INPP4B: variants seen among roughly 807,000 people sequenced by gnomAD.
INPP4B encodes the protein inositol polyphosphate-4-phosphatase type II B.
Under a neutral mutation model 122.5 loss-of-function variants are expected in INPP4B, and 55 were observed. The observed-to-expected ratio is 0.45, with a 90% CI of 0.36 to 0.56. The LOEUF (loss-of-function observed/expected upper bound fraction) is 0.56. INPP4B is among the 20% of genes least tolerant of loss of function. The pLI, the probability that INPP4B is intolerant of heterozygous loss-of-function variation, is 0.00. For synonymous variants in INPP4B, 403 were observed against 388.7 expected (o/e 1.04, Z -0.43); for missense variants, 1,000 against 1,097.7 (o/e 0.91, Z 1.26).
At position 142,527,209 on chromosome 4, in the gene INPP4B, C is replaced by T. The variant is rs185506995; in HGVS notation, c.-190-64483G>A. On this transcript the variant is annotated intron_variant, in intron 2 of 25. Transcript: ENST00000262992. ...CATAGTTATTTTCTAAATTCCCCAT[C>T]ATAAGTAATATTATTAATTATGCCA... Among the ~76,000 whole-genome samples, 4 of 150,970 alleles carry T rather than the reference C, an allele frequency of 2.6e-5. No homozygotes were observed. In the Admixed American group the frequency reaches 2.7e-4, roughly 10 times the overall value.
In INPP4B at chr4:142,493,835, T is replaced by C. The variant is rs1433929724; in HGVS notation, c.-190-31109A>G. Among the ~76,000 whole-genome samples, 8 of 152,090 alleles carry C rather than the reference T, an allele frequency of 5.3e-5. 1 individual carries two copies. The highest frequency in any genetic ancestry group is 5.2e-4 in the Admixed American group (8 of 15,274). ...TAAGTCATGATTGTGTTTTGAAATG[T>C]AAGGAAATGAGAACTGGGAGGGACC... On this transcript the variant is annotated intron_variant, in intron 2 of 25. Transcript: ENST00000262992.
intron 23 of INPP4B, among the ~76,000 whole-genome samples, chr4:142,089,278 T>G (rs1778291148): frequency 6.6e-6 from 1 of 152,130 alleles, no homozygotes; most frequent in Non-Finnish European, 1.5e-5. Flanking sequence ...ACAAATGGCT[T>G]TCAAACAGTT....
chr4:142,347,184 AT>A (rs1174188155), intron 7 of INPP4B, among the ~76,000 whole-genome samples: 1 of 151,952 alleles, frequency 6.6e-6, no homozygotes, highest in Non-Finnish European at 1.5e-5. Context: ...TCATATAGTA[AT>A]TTTTTTCAAG....
At position 142,268,341 on chromosome 4, in the gene INPP4B, A is replaced by AAT. The variant is rs1420200830; in HGVS notation, c.615+2321_615+2322insAT. ...CCGTCTCAAAAAAAAAAAAAAAAAAAAAAAATGAGGGGTAAGTACTGGTGA... is the reference window on the plus strand; with the variant it reads ...CCGTCTCAAAAAAAAAAAAAAAAAAAATAAAAATGAGGGGTAAGTACTGGTGA... On this transcript the variant is annotated intron_variant, in intron 10 of 25. Coordinates refer to ENST00000262992, the MANE Select transcript of INPP4B (RefSeq NM_001101669.3). Among the ~76,000 whole-genome samples, 2 of 143,774 alleles carry AAT rather than the reference A, an allele frequency of 1.4e-5. 1 individual carries two copies. The highest frequency in any genetic ancestry group is 4.0e-4 in the East Asian group (2 of 4,996). 94.3% of individuals were successfully genotyped at this position (143,774 alleles called of 152,430 possible).
intron 12 of INPP4B, among the ~76,000 whole-genome samples, chr4:142,228,681 A>G (rs1405442376): frequency 2.0e-5 from 3 of 151,958 alleles, no homozygotes. Context: ...TTCTAAGTAC[A>G]ATAGAAAAAA....
intron 2 of INPP4B, among the ~76,000 whole-genome samples, chr4:142,578,895 C>T (rs1734417473): frequency 6.6e-6 from 1 of 151,926 alleles, no homozygotes; most frequent in Non-Finnish European, 1.5e-5. Context: ...ATTTTAGTCT[C>T]AGAGAGAAAT....
At chr4:142,583,482 G>A (rs1365655628) in intron 2 of INPP4B, 1 of 152,128 alleles carries the variant, frequency 6.6e-6, no homozygotes, top group Non-Finnish European at 1.5e-5. Context: ...GCTGAATGGA[G>A]AAGAAATGCC....
At chr4:142,418,087 C>T (rs1806143614) in intron 5 of INPP4B, among the ~76,000 whole-genome samples, 1 of 152,224 alleles carries the variant, frequency 6.6e-6, no homozygotes, top group Non-Finnish European at 1.5e-5. Flanking sequence ...AATTATAGAA[C>T]TCAACTTGTT....
At chr4:142,287,821 C>T (rs1579604999) in intron 9 of INPP4B, among the ~76,000 whole-genome samples, 1 of 152,112 alleles carries the variant, frequency 6.6e-6, no homozygotes, top group Non-Finnish European at 1.5e-5. Flanking sequence ...ACTACCATAA[C>T]AAAATAGCAT....
chr4:142,435,448 AT>A (rs1284514461), intron 3 of INPP4B, among the ~76,000 whole-genome samples: 10 of 141,840 alleles, frequency 7.1e-5, no homozygotes, highest in African/African-American at 3.0e-4. Flanking sequence ...TCCCTTTAAG[AT>A]AAAAAAAAAA....
intron 2 of INPP4B, among the ~76,000 whole-genome samples, chr4:142,646,031 A>G (rs991786843): frequency 6.6e-6 from 1 of 152,210 alleles, no homozygotes; most frequent in Non-Finnish European, 1.5e-5. Flanking sequence ...GATCAGTAGT[A>G]TCCTGTGGCC....
At chr4:142,338,402 A>G (rs868053330) in intron 7 of INPP4B, among the ~76,000 whole-genome samples, 1 of 150,954 alleles carries the variant, frequency 6.6e-6, no homozygotes, top group African/African-American at 2.4e-5. Flanking sequence ...CACTTAGCTA[A>G]TTTTTTTTTG....
intron 1 of INPP4B, among the ~76,000 whole-genome samples, chr4:142,745,261 C>T (rs1172249724): frequency 6.6e-6 from 1 of 151,248 alleles, no homozygotes; most frequent in Non-Finnish European, 1.5e-5. Context: ...AAAAACAAAA[C>T]AAAAACAAAG....
chr4:142,099,020 A>C (rs1044271362), intron 23 of INPP4B, among the ~76,000 whole-genome samples: 1 of 152,152 alleles, frequency 6.6e-6, no homozygotes, highest in Admixed American at 6.6e-5. Flanking sequence ...TGGGAAGCCA[A>C]GTGACAAAAG....
chr4:142,210,482 C>A (rs1844444902), intron 12 of INPP4B, among the ~76,000 whole-genome samples: 1 of 151,718 alleles, frequency 6.6e-6, no homozygotes, highest in South Asian at 2.1e-4. Flanking sequence ...AAAAGAGAGA[C>A]AAAGAGAAGG....
intron 7 of INPP4B, among the ~76,000 whole-genome samples, chr4:142,323,688 G>T (rs546198537): frequency 6.6e-6 from 1 of 151,414 alleles, no homozygotes; most frequent in Non-Finnish European, 1.5e-5. Flanking sequence ...CTTGTGATCT[G>T]CCCGCCTTGG....
At chr4:142,152,870 G>C (rs929953529) in intron 17 of INPP4B, among the ~76,000 whole-genome samples, 2 of 152,158 alleles carry the variant, frequency 1.3e-5, no homozygotes, top group Admixed American at 1.3e-4. Flanking sequence ...TGATATGACT[G>C]TTAAGGTCAG....
At chr4:142,325,092 T>C (rs566847798) in intron 7 of INPP4B, among the ~76,000 whole-genome samples, 10 of 152,188 alleles carry the variant, frequency 6.6e-5, no homozygotes, top group Admixed American at 1.3e-4. Context: ...TAGTTATTTT[T>C]GCTCTGATAG....
intron 25 of INPP4B, among the ~76,000 whole-genome samples, chr4:142,061,013 C>T (rs149754115): frequency 3.6e-4 from 55 of 152,144 alleles, no homozygotes; most frequent in African/African-American, 1.3e-3. Flanking sequence ...GTTGGACCGA[C>T]TTTCACATCT....
Sources: gnomAD v4.1 joint callset for allele counts (sites outside exome capture counted in the v4.1 genomes callset) on GRCh38, gnomAD v4.1.1 for gene constraint, MANE v1.5 for transcripts, NCBI Gene and HGNC (gene_info 2026-07-23, HGNC 2026-07-21) for gene names.